Variants in PRKCQ observed in about 807,000 individuals in gnomAD.
PRKCQ encodes the protein protein kinase C theta type.
PRKCQ carries 41 observed loss-of-function variants against 91.2 expected under a neutral mutation model. The observed-to-expected ratio is 0.45, with a 90% CI of 0.35 to 0.58. The LOEUF (loss-of-function observed/expected upper bound fraction) is 0.58. Among genes scored for constraint, PRKCQ ranks in the 20% least tolerant of loss-of-function variants. PRKCQ has a pLI of 0.00. For synonymous variants in PRKCQ, 307 were observed against 316.9 expected (o/e 0.97, Z 0.33); for missense variants, 673 against 896.5 (o/e 0.75, Z 3.18).
At chr10:6,518,371 G>A (rs540969416) in intron 1 of PRKCQ, among the ~76,000 whole-genome samples, 1 of 152,138 alleles carries the variant, frequency 6.6e-6, no homozygotes, top group South Asian at 2.1e-4. Context: ...AAATAGCTTT[G>A]GTTCTGTGGT....
At chr10:6,426,616 C>CTATT (rs1396598728), downstream of PRKCQ, among the ~76,000 whole-genome samples, 7 of 152,166 alleles carry the variant, frequency 4.6e-5, no homozygotes. Context: ...AGGGGAGTGT[C>CTATT]TATTTAAAAA....
At chr10:6,451,014 G>C (rs1353669255) in intron 15 of PRKCQ, among the ~76,000 whole-genome samples, 2 of 151,878 alleles carry the variant, frequency 1.3e-5, no homozygotes, top group East Asian at 1.9e-4. Flanking sequence ...ACAATTAAAA[G>C]AACTAGAAAA....
At chr10:6,403,701 C>T in the PRKCQ span, among the ~76,000 whole-genome samples, 8 of 152,136 alleles carry the variant, frequency 5.3e-5, no homozygotes, top group Non-Finnish European at 7.3e-5. Context: ...CAATGTATTG[C>T]AATCCAGTGT....
intron 1 of PRKCQ, among the ~76,000 whole-genome samples, chr10:6,556,657 A>G (rs1840429534): frequency 1.9e-5 from 1 of 54,042 alleles, no homozygotes; most frequent in Non-Finnish European, 4.5e-5. Context: ...AGTGGTTAAA[A>G]TTGTAAATTT....
intron 1 of PRKCQ, among the ~76,000 whole-genome samples, chr10:6,532,184 C>A (rs1290716151): frequency 2.6e-5 from 4 of 152,152 alleles, no homozygotes; most frequent in African/African-American, 9.7e-5. Flanking sequence ...GTAGCAGCAT[C>A]CAGTGCAGTA....
chr10:6,570,162 C>T (rs1046737140), intron 1 of PRKCQ, among the ~76,000 whole-genome samples: 5 of 151,934 alleles, frequency 3.3e-5, no homozygotes, highest in South Asian at 2.1e-4. Context: ...AGGTAAGAGG[C>T]GGGTAGAACT....
At chr10:6,416,280 T>G in the PRKCQ span, among the ~76,000 whole-genome samples, 3 of 152,166 alleles carry the variant, frequency 2.0e-5, no homozygotes, top group African/African-American at 7.2e-5. Flanking sequence ...ATACGTTCTT[T>G]AGCGGTGATT....
chr10:6,507,384 G>A (rs1252025270), intron 4 of PRKCQ, 52 bp downstream of exon 4: 1 of 1,494,638 alleles, frequency 6.7e-7, no homozygotes, highest in African/African-American at 1.4e-5. Context: ...TGCATTTGAG[G>A]AGAAGGCCAT....
chr10:6,444,281 G>T (rs1834124029), intron 15 of PRKCQ, among the ~76,000 whole-genome samples: 1 of 152,094 alleles, frequency 6.6e-6, no homozygotes, highest in South Asian at 2.1e-4. Context: ...TGTTGATCAG[G>T]CTGGTCTTGA....
chr10:6,565,658 G>A (rs1273792475), intron 1 of PRKCQ, among the ~76,000 whole-genome samples: 1 of 152,166 alleles, frequency 6.6e-6, no homozygotes. Flanking sequence ...GATCTCAAGT[G>A]TACTACAAAT....
chr10:6,495,996 A>G (rs1011379442), intron 7 of PRKCQ, among the ~76,000 whole-genome samples: 4 of 152,004 alleles, frequency 2.6e-5, no homozygotes, highest in African/African-American at 9.7e-5. Context: ...CAGGTGAATC[A>G]CCTGAGGTCA....
chr10:6,454,296 G>C (rs904390586), intron 15 of PRKCQ, among the ~76,000 whole-genome samples: 1 of 152,132 alleles, frequency 6.6e-6, no homozygotes, highest in Non-Finnish European at 1.5e-5. Context: ...TGATAAGGGA[G>C]GAAAGCAGAT....
intron 1 of PRKCQ, among the ~76,000 whole-genome samples, chr10:6,519,776 A>AC (rs1212108596): frequency 6.6e-6 from 1 of 152,092 alleles, no homozygotes; most frequent in African/African-American, 2.4e-5. Flanking sequence ...ACATATGTTT[A>AC]CCCCTGGCAC....
At chr10:6,476,458 T>A (rs1434397050) in intron 12 of PRKCQ, among the ~76,000 whole-genome samples, 1 of 152,210 alleles carries the variant, frequency 6.6e-6, no homozygotes, top group Non-Finnish European at 1.5e-5. Flanking sequence ...ACCTCCCAAT[T>A]AACAACTGTT....
intron 1 of PRKCQ, among the ~76,000 whole-genome samples, chr10:6,555,576 T>A (rs1408480546): frequency 6.6e-6 from 1 of 152,194 alleles, no homozygotes; most frequent in Non-Finnish European, 1.5e-5. Context: ...AAATATTTAA[T>A]TCAAAGTAGG....
At chr10:6,573,925 T>C (rs577452684) in intron 1 of PRKCQ, among the ~76,000 whole-genome samples, 3 of 152,180 alleles carry the variant, frequency 2.0e-5, no homozygotes, top group African/African-American at 7.2e-5. Flanking sequence ...GAGACTAGCC[T>C]GGGCAACATG....
At chr10:6,431,033 T>A in intron 16 of PRKCQ, 95 bp from the exon 17 acceptor site, 1 of 1,452,226 alleles carries the variant, frequency 6.9e-7, no homozygotes, top group East Asian at 2.4e-5. Context: ...GCCCCTTCTT[T>A]TCTAACCTCA....
At chr10:6,463,164 C>A (rs1183929400) in intron 13 of PRKCQ, among the ~76,000 whole-genome samples, 1 of 152,134 alleles carries the variant, frequency 6.6e-6, no homozygotes, top group East Asian at 1.9e-4. Flanking sequence ...ACACTTACAG[C>A]CCATGAGGTG....
At chr10:6,417,726 C>T in the PRKCQ span, among the ~76,000 whole-genome samples, 1 of 152,186 alleles carries the variant, frequency 6.6e-6, no homozygotes, top group Admixed American at 6.5e-5. Context: ...TGAGAGTATC[C>T]AGCCAGGTGA....
Sources: allele counts gnomAD v4.1 joint callset (sites outside exome capture counted in the v4.1 genomes callset), GRCh38; gene constraint gnomAD v4.1.1; transcripts MANE v1.5; gene names NCBI Gene and HGNC (gene_info 2026-07-23, HGNC 2026-07-21).